SNCAIP: variants seen among roughly 807,000 people sequenced by gnomAD.
The protein encoded by SNCAIP is synphilin-1.
SNCAIP carries 43 observed loss-of-function variants against 86.7 expected under a neutral mutation model. That is an observed-to-expected ratio of 0.50 (90% CI 0.39 to 0.64). The LOEUF (loss-of-function observed/expected upper bound fraction) is 0.64. Among genes scored for constraint, SNCAIP ranks in the 30% least tolerant of loss-of-function variants. The probability of loss-of-function intolerance (pLI) is 0.00; values close to 1 mark genes in which losing one functional copy is unlikely to be tolerated. For missense variants in SNCAIP, 981 were observed against 1,103.1 expected (o/e 0.89, Z 1.57); for synonymous variants, 417 against 427.2 (o/e 0.98, Z 0.29).
intron 1 of SNCAIP, among the ~76,000 whole-genome samples, chr5:122,324,907 C>A (rs1335002735): frequency 6.6e-6 from 1 of 152,188 alleles, no homozygotes; most frequent in East Asian, 1.9e-4. Context: ...TCTCCCAAAA[C>A]ACCTGACAGC....
At chr5:122,321,898 A>T (rs1461141726) in intron 1 of SNCAIP, 1 of 152,166 alleles carries the variant, frequency 6.6e-6, no homozygotes, top group Non-Finnish European at 1.5e-5. Flanking sequence ...TTAATACCAA[A>T]TACTAGAAGA....
chr5:122,401,023 G>A (rs1425764285), intron 2 of SNCAIP: 4 of 1,550,136 alleles, frequency 2.6e-6, no homozygotes, highest in Non-Finnish European at 3.5e-6. Flanking sequence ...CAAAAGCTTG[G>A]ATTGGAGGAC....
At chr5:122,421,531 G>T (rs1451993235) in intron 3 of SNCAIP, among the ~76,000 whole-genome samples, 2 of 152,210 alleles carry the variant, frequency 1.3e-5, no homozygotes, top group African/African-American at 4.8e-5. Context: ...TTATAGATGT[G>T]AGTATACACC....
At chr5:122,400,934 T>C (rs1456462635) in intron 2 of SNCAIP, 1 of 1,486,238 alleles carries the variant, frequency 6.7e-7, no homozygotes, top group Non-Finnish European at 9.0e-7. Context: ...AGATAGAAAA[T>C]GTAATGCTTC....
intron 1 of SNCAIP, among the ~76,000 whole-genome samples, chr5:122,382,365 A>G (rs900756537): frequency 6.6e-6 from 1 of 152,002 alleles, no homozygotes; most frequent in East Asian, 1.9e-4. Flanking sequence ...TCTTCACGTA[A>G]TTCTCGAGCC....
chr5:122,331,723 T>C (rs1755382782), intron 1 of SNCAIP, among the ~76,000 whole-genome samples: 1 of 152,188 alleles, frequency 6.6e-6, no homozygotes, highest in Admixed American at 6.5e-5. Flanking sequence ...ACTCAGCACA[T>C]TTAATGTCTC....
At chr5:122,329,857 G>C (rs1468397123) in intron 1 of SNCAIP, among the ~76,000 whole-genome samples, 1 of 152,100 alleles carries the variant, frequency 6.6e-6, no homozygotes, top group Non-Finnish European at 1.5e-5. Context: ...ACTTCAAGTG[G>C]AGCCATCATA....
At chr5:122,455,981 T>G (rs185995510) in intron 10 of SNCAIP, among the ~76,000 whole-genome samples, 1 of 152,362 alleles carries the variant, frequency 6.6e-6, no homozygotes, top group East Asian at 1.9e-4. Flanking sequence ...ATGTTTGCAA[T>G]TACTTGTCTT....
At chr5:122,417,051 G>A (rs1775455193) in intron 3 of SNCAIP, among the ~76,000 whole-genome samples, 1 of 152,130 alleles carries the variant, frequency 6.6e-6, no homozygotes, top group Non-Finnish European at 1.5e-5. Flanking sequence ...TATTCTTGAT[G>A]TCTCAAGCTA....
At chr5:122,426,818 G>A (rs1777463325) in intron 5 of SNCAIP, among the ~76,000 whole-genome samples, 2 of 152,152 alleles carry the variant, frequency 1.3e-5, no homozygotes, top group South Asian at 4.1e-4. Context: ...CAAATGTAAA[G>A]TCGAGATTTA....
chr5:122,356,099 T>C (rs1005061033), intron 1 of SNCAIP, among the ~76,000 whole-genome samples: 3 of 146,720 alleles, frequency 2.0e-5, no homozygotes, highest in Admixed American at 6.8e-5. Context: ...GCCTTTCTTT[T>C]TTTTTTTTTT....
intron 1 of SNCAIP, among the ~76,000 whole-genome samples, chr5:122,328,480 T>C (rs1013827644): frequency 2.0e-5 from 3 of 152,236 alleles, no homozygotes; most frequent in African/African-American, 7.2e-5. Flanking sequence ...ACCCTCTCAA[T>C]ATTTTCCAAT....
chr5:122,463,934 A>C lies in SNCAIP; in HGVS notation c.*438A>C. ...TTGATTGAACCTCCCTTTCCCCATA[A>C]TGTGGGCAGATTTGGCTCAGCTCCT... On this transcript the variant is annotated 3_prime_UTR_variant, in exon 11 of 11. Coordinates refer to ENST00000261368, the MANE Select transcript of SNCAIP (RefSeq NM_005460.4). 6.2e-6 allele frequency: 1 copy of C among 161,936 alleles called. No individual in the cohort carries two copies. Among genetic ancestry groups the C allele is most frequent in the Non-Finnish European group, 1.3e-5 (1 of 74,556 alleles). The allele number at this position is 161,936 out of a possible 1,614,324, so 10.0% of individuals were successfully genotyped here. A position where few individuals can be genotyped will look rare whatever the true frequency, so the allele number is the denominator to read the frequency against.
chr5:122,435,476 G>A (rs976282070), intron 6 of SNCAIP, among the ~76,000 whole-genome samples: 2 of 152,052 alleles, frequency 1.3e-5, no homozygotes, highest in African/African-American at 4.8e-5. Context: ...AGTCCAGTGG[G>A]CTCTATGTTA....
At chr5:122,460,483 A>G (rs1257946634) in intron 10 of SNCAIP, among the ~76,000 whole-genome samples, 1 of 151,910 alleles carries the variant, frequency 6.6e-6, no homozygotes, top group Non-Finnish European at 1.5e-5. Flanking sequence ...CAACAATCCA[A>G]CACTGCACCT....
chr5:122,428,202 A>T (rs1414401596), intron 5 of SNCAIP, among the ~76,000 whole-genome samples: 1 of 152,154 alleles, frequency 6.6e-6, no homozygotes, highest in Non-Finnish European at 1.5e-5. Flanking sequence ...GTCCATCTGG[A>T]TATAACGTGA....
At chr5:122,342,605 C>T (rs1418600471) in intron 1 of SNCAIP, among the ~76,000 whole-genome samples, 1 of 152,154 alleles carries the variant, frequency 6.6e-6, no homozygotes, top group Non-Finnish European at 1.5e-5. Flanking sequence ...ACCATTATCC[C>T]CAATTTACAG....
intron 1 of SNCAIP, among the ~76,000 whole-genome samples, chr5:122,364,996 C>T (rs761770005): frequency 5.3e-5 from 8 of 152,132 alleles, no homozygotes; most frequent in Non-Finnish European, 8.8e-5. Context: ...ATATACAAAA[C>T]ATTTGGGTAA....
chr5:122,402,641 A>T (rs996294107), intron 2 of SNCAIP, among the ~76,000 whole-genome samples: 3 of 152,184 alleles, frequency 2.0e-5, no homozygotes, highest in African/African-American at 7.2e-5. Context: ...GGAAGTCTCA[A>T]TGCAGACGCT....
Sources: allele counts gnomAD v4.1 joint callset (sites outside exome capture counted in the v4.1 genomes callset), GRCh38; gene constraint gnomAD v4.1.1; transcripts MANE v1.5; gene names NCBI Gene and HGNC (gene_info 2026-07-23, HGNC 2026-07-21).